The following CNTNAP3 variants were observed in gnomAD, a reference collection of about 807,000 sequenced individuals.
The protein encoded by CNTNAP3 is contactin associated protein family member 3.
In CNTNAP3, 36 loss-of-function variants were observed where a neutral mutation model predicts 92.1. The ratio of observed to expected loss-of-function variants is 0.39; its 90% CI spans 0.30 to 0.52. The LOEUF (loss-of-function observed/expected upper bound fraction) is 0.52. CNTNAP3 is among the 20% of genes least tolerant of loss of function. The probability of loss-of-function intolerance (pLI) is 0.76; values close to 1 mark genes in which losing one functional copy is unlikely to be tolerated. For synonymous variants in CNTNAP3, 232 were observed against 422.3 expected, an observed-to-expected ratio of 0.55 and a Z score of 5.53; for missense variants, 534 against 1,069.6, an observed-to-expected ratio of 0.50 and a Z score of 6.98.
At chr9:39,111,928 C>G (rs553107817) in intron 14 of CNTNAP3, among the ~76,000 whole-genome samples, 9 of 152,138 alleles carry the variant, frequency 5.9e-5, no homozygotes, top group Admixed American at 5.2e-4. Flanking sequence ...TCACCAGTTT[C>G]TTATTGTTAC....
chr9:39,132,446 T>A (rs1219484941), intron 13 of CNTNAP3, among the ~76,000 whole-genome samples: 2 of 152,044 alleles, frequency 1.3e-5, no homozygotes, highest in Admixed American at 6.5e-5. Flanking sequence ...ATAACCCTAG[T>A]CATTATTTCA....
intron 12 of CNTNAP3, among the ~76,000 whole-genome samples, chr9:39,138,602 T>A (rs1426613899): frequency 1.3e-5 from 2 of 152,186 alleles, no homozygotes; most frequent in Admixed American, 1.3e-4. Flanking sequence ...TCTGGAAGCA[T>A]GAGGAGATTT....
chr9:39,133,948 T>A (rs1263679971), intron 12 of CNTNAP3, among the ~76,000 whole-genome samples: 1 of 152,176 alleles, frequency 6.6e-6, no homozygotes, highest in Non-Finnish European at 1.5e-5. Flanking sequence ...ACATTTTACA[T>A]AAAAATTTTC....
chr9:39,141,148 G>A (rs1176525514), intron 11 of CNTNAP3, among the ~76,000 whole-genome samples: 1 of 152,142 alleles, frequency 6.6e-6, no homozygotes, highest in Non-Finnish European at 1.5e-5. Flanking sequence ...TGAATTCTGC[G>A]TGCTATTGAA....
At position 39,102,675 on chromosome 9, in the gene CNTNAP3, T is replaced by C. The variant is rs1366765116; in HGVS notation, c.2577A>G (p.Gly859=). 1.4e-6 allele frequency: 2 copies of C among 1,411,500 alleles called. No homozygotes were observed. The highest frequency in any genetic ancestry group is 2.5e-4 in the Middle Eastern group (1 of 4,048). 87.4% of individuals were successfully genotyped at this position (1,411,500 alleles called of 1,614,324 possible). The change falls in exon 17 of 24, where the codon GGA becomes GGG. Residue 859 remains glycine, a synonymous_variant. Transcript: ENST00000297668. ...GTGACTGCACCGTGACCTCACAAGG[T>C]CCATTCCCCACATCGAAGGAAAAGG... ...EVTFSFDVGN[G]PCEVTVQSPT...
chr9:39,147,704 A>G (rs1821736470), intron 10 of CNTNAP3, among the ~76,000 whole-genome samples: 2 of 152,192 alleles, frequency 1.3e-5, no homozygotes, highest in Admixed American at 6.5e-5. Context: ...AGGCCTTTTT[A>G]AAATGTGGGA....
In CNTNAP3 at chr9:39,255,564, G is replaced by A. The variant is rs1241879095; in HGVS notation, c.196+11332C>T. Among the ~76,000 whole-genome samples, 2 of 61,292 alleles carry A rather than the reference G, an allele frequency of 3.3e-5. 1 individual carries two copies. Among genetic ancestry groups the A allele is most frequent in the African/African-American group, 6.7e-5 (2 of 29,638 alleles). The allele number at this position is 61,292 out of a possible 152,430, so 40.2% of individuals were successfully genotyped here. A position where few individuals can be genotyped will look rare whatever the true frequency, so the allele number is the denominator to read the frequency against. On this transcript the variant is annotated intron_variant, in intron 2 of 23. Transcript: ENST00000297668. ...CTTCAGCAGCACTCAGTAGATTTTA[G>A]CTACTTTGGATCAGATCATATACTA...
intron 13 of CNTNAP3, among the ~76,000 whole-genome samples, chr9:39,131,462 G>A (rs1821291518): frequency 6.6e-6 from 1 of 151,852 alleles, no homozygotes; most frequent in Non-Finnish European, 1.5e-5. Flanking sequence ...AGGCATCCAG[G>A]GGAGAGAGGG....
chr9:39,065,764 C>T lies in CNTNAP3; in HGVS notation c.*8126G>A, dbSNP rs1188469518. On this transcript the variant is annotated 3_prime_UTR_variant, in exon 24 of 24. Transcript: ENST00000297668. The stretch of plus-strand genomic sequence containing the variant: ...GTGCTTTTTGTCCACTGGCCTAGCA[C>T]TTTTCGTCATTTTTTCTTATATTCA... Among the ~76,000 whole-genome samples, 1 of 152,196 alleles carries T rather than the reference C, an allele frequency of 6.6e-6. No individual in the cohort carries two copies. The highest frequency in any genetic ancestry group is 6.5e-5 in the Admixed American group (1 of 15,280).
At chr9:39,079,019 T>C (rs1308378123) in intron 21 of CNTNAP3, 99 bp from the exon 22 acceptor site, 1 of 1,487,226 alleles carries the variant, frequency 6.7e-7, no homozygotes, top group Non-Finnish European at 9.0e-7. Context: ...GTTCCTTCAC[T>C]CCAGGAGAGG....
intron 13 of CNTNAP3, among the ~76,000 whole-genome samples, chr9:39,123,736 G>C (rs1821092982): frequency 6.6e-6 from 1 of 152,174 alleles, no homozygotes; most frequent in Non-Finnish European, 1.5e-5. Flanking sequence ...AATTATGCCA[G>C]ATTTCCCTTA....
At chr9:39,118,379 G>T in intron 13 of CNTNAP3, 120 bp from the exon 14 acceptor site, 3 of 1,383,376 alleles carry the variant, frequency 2.2e-6, no homozygotes, top group Non-Finnish European at 3.0e-6. Context: ...GAGAGAAAAT[G>T]AAACTATACT....
intron 13 of CNTNAP3, among the ~76,000 whole-genome samples, chr9:39,131,719 G>C (rs28667115): frequency 6.6e-6 from 1 of 152,156 alleles, no homozygotes; most frequent in Non-Finnish European, 1.5e-5. Context: ...TCAGCTATTC[G>C]GGAGGCTGAG....
chr9:39,120,644 T>A (rs948716611), intron 13 of CNTNAP3, among the ~76,000 whole-genome samples: 7 of 152,162 alleles, frequency 4.6e-5, no homozygotes, highest in South Asian at 2.1e-4. Flanking sequence ...CACTCCAACC[T>A]GGGCGACAGA....
At position 39,179,294 on chromosome 9, in the gene CNTNAP3, C is replaced by T. The variant is rs1316218588; in HGVS notation, c.539-934G>A. On this transcript the variant is annotated intron_variant, in intron 4 of 23. Transcript: ENST00000297668. ...AAAACTCTCTCTCTCTCTACACACA[C>T]ACACACACACACACACACACACACA... is the stretch of plus-strand genomic sequence containing the variant. Among the ~76,000 whole-genome samples the T allele has an allele frequency of 7.9e-4, 96 of 121,436 alleles. 8 individuals carry two copies. The highest frequency in any genetic ancestry group is 2.3e-3 in the African/African-American group (64 of 28,182). 79.7% of individuals were successfully genotyped at this position (121,436 alleles called of 152,430 possible).
At chr9:39,109,981 C>G (rs553499043) in intron 14 of CNTNAP3, among the ~76,000 whole-genome samples, 1 of 152,286 alleles carries the variant, frequency 6.6e-6, no homozygotes, top group South Asian at 2.1e-4. Flanking sequence ...TCCTTGTTAA[C>G]TTTGTAAATG....
intron 18 of CNTNAP3, 179 bp downstream of exon 18, chr9:39,099,732 A>G: frequency 1.3e-6 from 1 of 792,980 alleles, no homozygotes. Flanking sequence ...TGATAGCCTT[A>G]AGTTTTCAAA....
rs560824373 is a variant in CNTNAP3 at position 39,080,804 on chromosome 9, G to A, written c.3443-1884C>T. Reference sequence around the variant, plus strand: ...AGCCTCCCAAGTAGTTGGGACTACAGGCATGCACCACCACACCCAGCTAAT... The same window carrying A: ...AGCCTCCCAAGTAGTTGGGACTACAAGCATGCACCACCACACCCAGCTAAT... On this transcript the variant is annotated intron_variant, in intron 21 of 23. Transcript: ENST00000297668. 7.1e-4 allele frequency among the ~76,000 whole-genome samples: 98 copies of A among 137,770 alleles called. 10 individuals carry two copies. Among genetic ancestry groups the A allele is most frequent in the African/African-American group, 2.5e-3 (93 of 37,116 alleles). The allele number at this position is 137,770 out of a possible 152,430, so 90.4% of individuals were successfully genotyped here.
At chr9:39,075,633 A>G (rs1207740784) in intron 23 of CNTNAP3, among the ~76,000 whole-genome samples, 3 of 152,304 alleles carry the variant, frequency 2.0e-5, no homozygotes, top group Non-Finnish European at 4.4e-5. Flanking sequence ...CAGGGATGTC[A>G]GCAGAAGAAT....
Sources: allele counts gnomAD v4.1 joint callset (sites outside exome capture counted in the v4.1 genomes callset), GRCh38; gene constraint gnomAD v4.1.1; transcripts MANE v1.5; gene names NCBI Gene and HGNC (gene_info 2026-07-23, HGNC 2026-07-21).